The following PDE4D variants were observed in gnomAD, a reference collection of about 807,000 sequenced individuals.
The protein encoded by PDE4D is phosphodiesterase 4D.
A neutral mutation model predicts 87.4 loss-of-function variants in PDE4D; 24 were observed. The ratio of observed to expected loss-of-function variants is 0.27; its 90% confidence interval spans 0.20 to 0.39. PDE4D has a LOEUF of 0.39. PDE4D is among the 10% of genes least tolerant of loss of function. The pLI is 1.00. For synonymous variants in PDE4D, 384 were observed against 383.2 expected, an observed-to-expected ratio of 1.00 and a Z score of -0.02; for missense variants, 714 against 1,041.0, an observed-to-expected ratio of 0.69 and a Z score of 4.32.
At chr5:60,035,495 ACT>A (rs1409605702) in intron 2 of PDE4D, among the ~76,000 whole-genome samples, 1 of 152,174 alleles carries the variant, frequency 6.6e-6, no homozygotes, top group Non-Finnish European at 1.5e-5. Flanking sequence ...CAAGAGCCAA[ACT>A]CTGTATGCTT....
At chr5:59,088,407 C>A (rs1202590697) in intron 5 of PDE4D, among the ~76,000 whole-genome samples, 2 of 152,036 alleles carry the variant, frequency 1.3e-5, no homozygotes, top group African/African-American at 4.8e-5. Context: ...CCTCAAAGAC[C>A]TAAAAACAGA....
chr5:59,194,020 A>T (rs1581292129), intron 2 of PDE4D, among the ~76,000 whole-genome samples: 1 of 152,194 alleles, frequency 6.6e-6, no homozygotes, highest in African/African-American at 2.4e-5. Context: ...ATGACATGGG[A>T]CTGCATCATA....
intron 1 of PDE4D, among the ~76,000 whole-genome samples, chr5:59,836,618 G>GTATCTATC (rs6149046): frequency 0.22 from 30,511 of 140,302 alleles, 3,243 homozygotes; most frequent in Middle Eastern, 0.29. Flanking sequence ...CTTCCAAGAT[G>GTATCTATC]TATCTATCTA....
chr5:60,035,036 A>C (rs1016758891), intron 2 of PDE4D, among the ~76,000 whole-genome samples: 22 of 152,078 alleles, frequency 1.4e-4, no homozygotes, highest in African/African-American at 5.1e-4. Flanking sequence ...CGGGAGGATC[A>C]CCTGAAGTCA....
intron 1 of PDE4D, among the ~76,000 whole-genome samples, chr5:60,260,204 T>G (rs1749505944): frequency 6.6e-6 from 1 of 151,994 alleles, no homozygotes; most frequent in Admixed American, 6.6e-5. Context: ...TGGAAAAAGC[T>G]GCTCTGAATC....
chr5:60,502,843 A>G (rs955505885), intron 1 of PDE4D, among the ~76,000 whole-genome samples: 4 of 152,136 alleles, frequency 2.6e-5, no homozygotes, highest in Non-Finnish European at 4.4e-5. Context: ...TATTTTTTTC[A>G]GTTCTAGATT....
At chr5:59,632,299 G>C (rs535536881) in intron 1 of PDE4D, among the ~76,000 whole-genome samples, 2 of 152,262 alleles carry the variant, frequency 1.3e-5, no homozygotes, top group African/African-American at 4.8e-5. Flanking sequence ...TGGGGGGAGG[G>C]GTGGCTTTGG....
intron 1 of PDE4D, among the ~76,000 whole-genome samples, chr5:59,280,375 C>T (rs766854030): frequency 2.8e-4 from 43 of 152,016 alleles, no homozygotes; most frequent in Non-Finnish European, 5.7e-4. Context: ...CTAGAATAAA[C>T]ATTTGTGCAT....
In PDE4D at chr5:59,674,383, G is replaced by A. The variant is rs141906669; in HGVS notation, c.455+218785C>T. On this transcript the variant is annotated intron_variant, in intron 1 of 14. Transcript: ENST00000340635. Reference sequence around the variant, plus strand: ...ATACGCCACTACTCACCCAACCCTCGCCCCCACCAGCACAATGCCTAGCAT... The same window carrying A: ...ATACGCCACTACTCACCCAACCCTCACCCCCACCAGCACAATGCCTAGCAT... Among the ~76,000 whole-genome samples the A allele has an allele frequency of 1.9e-3, 292 of 151,978 alleles. 2 individuals carry two copies. Among genetic ancestry groups the A allele is most frequent in the Non-Finnish European group, 3.7e-3 (252 of 67,972 alleles).
chr5:59,965,537 T>G (rs1022210363), intron 3 of PDE4D, among the ~76,000 whole-genome samples: 1 of 152,168 alleles, frequency 6.6e-6, no homozygotes, highest in African/African-American at 2.4e-5. Flanking sequence ...CACTGCTGTA[T>G]CTTGAGTACC....
At chr5:60,429,318 G>A (rs1743993179) in intron 1 of PDE4D, among the ~76,000 whole-genome samples, 1 of 152,176 alleles carries the variant, frequency 6.6e-6, no homozygotes, top group African/African-American at 2.4e-5. Flanking sequence ...CATTATCGGT[G>A]TAGAGAAATG....
In PDE4D at chr5:59,574,064, ATATATATT is replaced by A. The variant is rs1269757594; in HGVS notation, c.455+319096_455+319103del. The stretch of plus-strand genomic sequence containing the variant: ...TTTATATATATTTATATATAAAAAT[ATATATATT>A]TATATATATATTTATATATATAAAT... On this transcript the variant is annotated intron_variant, in intron 1 of 14. Transcript: ENST00000340635. Among the ~76,000 whole-genome samples the A allele has an allele frequency of 3.9e-3, 65 of 16,576 alleles. 2 individuals are homozygous for A. Among genetic ancestry groups the A allele is most frequent in the African/African-American group, 0.012 (62 of 5,246 alleles). 10.9% of individuals were successfully genotyped at this position (16,576 alleles called of 152,430 possible).
intron 1 of PDE4D, among the ~76,000 whole-genome samples, chr5:59,227,216 C>T (rs910715848): frequency 3.3e-5 from 5 of 152,048 alleles, no homozygotes; most frequent in African/African-American, 7.2e-5. Flanking sequence ...AGAGGAATAG[C>T]GTCTTGTTAA....
intron 1 of PDE4D, among the ~76,000 whole-genome samples, chr5:59,641,403 T>G (rs1358448034): frequency 6.6e-6 from 1 of 152,220 alleles, no homozygotes; most frequent in Non-Finnish European, 1.5e-5. Context: ...ACTTCCCGTG[T>G]GTTCCTTCAG....
chr5:60,008,371 T>C (rs1365312083), intron 2 of PDE4D, among the ~76,000 whole-genome samples: 2 of 152,048 alleles, frequency 1.3e-5, no homozygotes, highest in Admixed American at 6.6e-5. Flanking sequence ...GAAATCTATA[T>C]TTAATGAGAC....
intron 1 of PDE4D, among the ~76,000 whole-genome samples, chr5:59,884,020 G>T: frequency 6.6e-6 from 1 of 151,982 alleles, no homozygotes; most frequent in Non-Finnish European, 1.5e-5. Context: ...GAAAATACAT[G>T]ATTTTTGCTT....
At chr5:59,396,302 GA>G (rs1322033016) in intron 1 of PDE4D, among the ~76,000 whole-genome samples, 2 of 101,784 alleles carry the variant, frequency 2.0e-5, no homozygotes, top group Admixed American at 9.6e-5. Context: ...AAGTTGAAAT[GA>G]AGGAAAAAAT....
intron 1 of PDE4D, among the ~76,000 whole-genome samples, chr5:59,334,430 T>C (rs2153578559): frequency 6.6e-6 from 1 of 152,000 alleles, no homozygotes; most frequent in African/African-American, 2.4e-5. Context: ...GGCTAATTTT[T>C]GTATTTTTAT....
At position 60,059,040 on chromosome 5, in the gene PDE4D, A is replaced by ATGTGTGTG. The variant is rs70975363; in HGVS notation, c.43-70331_43-70324dup. Among the ~76,000 whole-genome samples, 745 of 142,414 alleles carry ATGTGTGTG rather than the reference A, an allele frequency of 5.2e-3. 6 individuals are homozygous for ATGTGTGTG. The highest frequency in any genetic ancestry group is 0.025 in the Middle Eastern group (7 of 280). 93.4% of individuals were successfully genotyped at this position (142,414 alleles called of 152,430 possible). On this transcript the variant is annotated intron_variant, in intron 2 of 16. Transcript: ENST00000502484. ...TATCTATCTTTTTTGGCATTGTCATATGTGTGTGTGTGTGTGTGTGTGTGT... is the reference window on the plus strand; with the variant it reads ...TATCTATCTTTTTTGGCATTGTCATATGTGTGTGTGTGTGTGTGTGTGTGTGTGTGTGT...
Sources: allele counts gnomAD v4.1 joint callset (sites outside exome capture counted in the v4.1 genomes callset), GRCh38; gene constraint gnomAD v4.1.1; transcripts MANE v1.5; gene names NCBI Gene and HGNC (gene_info 2026-07-23, HGNC 2026-07-21).